The following CACNB2 variants were observed in gnomAD, a reference collection of about 807,000 sequenced individuals.
CACNB2 encodes calcium voltage-gated channel auxiliary subunit beta 2.
In CACNB2, 42 loss-of-function variants were observed where a neutral mutation model predicts 73.3. That is an observed-to-expected ratio of 0.57 (90% confidence interval 0.45 to 0.74). The LOEUF (loss-of-function observed/expected upper bound fraction) is 0.74, where lower values mean the gene tolerates loss of function less well. Among genes scored for constraint, CACNB2 ranks in the 30% least tolerant of loss-of-function variants. The pLI, the probability that CACNB2 is intolerant of heterozygous loss-of-function variation, is 0.00. For synonymous variants in CACNB2, 348 were observed against 310.3 expected, an observed-to-expected ratio of 1.12 and a Z score of -1.28; for missense variants, 940 against 853.0, an observed-to-expected ratio of 1.10 and a Z score of -1.27.
intron 2 of CACNB2, among the ~76,000 whole-genome samples, chr10:18,388,477 T>C (rs1043063518): frequency 6.6e-6 from 1 of 152,192 alleles, no homozygotes; most frequent in South Asian, 2.1e-4. Context: ...TAGGGTACTT[T>C]CCAGTGCTTT....
chr10:18,427,116 C>T (rs548290127), intron 3 of CACNB2, among the ~76,000 whole-genome samples: 53 of 151,862 alleles, frequency 3.5e-4, no homozygotes, highest in African/African-American at 1.1e-3. Flanking sequence ...CCACCACGCC[C>T]GGCTAATTTT....
chr10:18,214,574 C>T (rs139324095), intron 2 of CACNB2, among the ~76,000 whole-genome samples: 1,497 of 21,832 alleles, frequency 0.069, 332 homozygotes, highest in African/African-American at 0.1. Flanking sequence ...TTGCAGTGAG[C>T]CGAGATAGCA....
At chr10:18,488,492 A>G (rs953329710) in intron 3 of CACNB2, among the ~76,000 whole-genome samples, 14 of 149,894 alleles carry the variant, frequency 9.3e-5, no homozygotes, top group Admixed American at 6.0e-4. Flanking sequence ...AAAAAAAAAA[A>G]AAAAAAAGAA....
At position 18,539,570 on chromosome 10, in the gene CACNB2, G is replaced by C. The variant is rs781454884; in HGVS notation, c.1829G>C (p.Arg610Pro). 6.2e-7 allele frequency: 1 copy of C among 1,613,536 alleles called. No individual in the cohort carries two copies. The highest frequency in any genetic ancestry group is 1.7e-5 in the Admixed American group (1 of 59,932). ...HRHRESRHRSRDVDREQDHNE... is the reference protein window; with the variant it reads ...HRHRESRHRSPDVDREQDHNE... The stretch of plus-strand genomic sequence containing the variant: ...CACAGGGAGTCCCGGCACCGTTCCC[G>C]GGACGTGGATCGAGAGCAGGACCAC... The change falls in exon 14 of 14, where the codon CGG becomes CCG. Residue 610 changes from arginine (R) to proline (P), a missense_variant. By Grantham distance (103) the Arg-to-Pro change is moderately radical (BLOSUM62 -2). Transcript: ENST00000324631.
chr10:18,519,037 C>T (rs576686707), intron 9 of CACNB2, 69 bp downstream of exon 9: 9 of 1,337,320 alleles, frequency 6.7e-6, no homozygotes, highest in South Asian at 4.7e-5. Context: ...GTGGGACATG[C>T]GTGTGATTCC....
intron 3 of CACNB2, among the ~76,000 whole-genome samples, chr10:18,433,083 C>G (rs1208709828): frequency 1.3e-5 from 2 of 150,740 alleles, no homozygotes; most frequent in Non-Finnish European, 2.9e-5. Flanking sequence ...TTAGATAACA[C>G]TATTTATTCA....
intron 2 of CACNB2, chr10:18,400,722 T>C (rs1211414186): frequency 3.9e-6 from 5 of 1,269,088 alleles, no homozygotes; most frequent in Non-Finnish European, 5.0e-6. Flanking sequence ...TGTTTAGGGT[T>C]ATGAGATGCA....
At chr10:18,140,885 C>A in intron 1 of CACNB2, 29 bp downstream of exon 1, 5 of 1,574,856 alleles carry the variant, frequency 3.2e-6, no homozygotes, top group Non-Finnish European at 3.4e-6. Flanking sequence ...CTTCTCCTTC[C>A]TTTGTGAGCC....
At chr10:18,231,563 G>A (rs551887553) in intron 2 of CACNB2, among the ~76,000 whole-genome samples, 1 of 152,172 alleles carries the variant, frequency 6.6e-6, no homozygotes, top group Non-Finnish European at 1.5e-5. Flanking sequence ...TAGAGAATGT[G>A]GCTTATTGTT....
At chr10:18,190,304 G>A (rs547247381) in intron 2 of CACNB2, among the ~76,000 whole-genome samples, 1 of 152,218 alleles carries the variant, frequency 6.6e-6, no homozygotes. Context: ...GAACATGATG[G>A]CACAGGGGTC....
intron 3 of CACNB2, among the ~76,000 whole-genome samples, chr10:18,436,702 C>G (rs1243279841): frequency 2.0e-5 from 3 of 152,112 alleles, no homozygotes; most frequent in Admixed American, 6.5e-5. Context: ...GTTCCCATTC[C>G]ATGTAGATGC....
chr10:18,248,336 A>G (rs1429051870), intron 2 of CACNB2, among the ~76,000 whole-genome samples: 1 of 152,230 alleles, frequency 6.6e-6, no homozygotes, highest in African/African-American at 2.4e-5. Context: ...TGAGTGTCTG[A>G]TTCATAAGTA....
chr10:18,231,368 G>A (rs549727320), intron 2 of CACNB2, among the ~76,000 whole-genome samples: 88 of 152,178 alleles, frequency 5.8e-4, no homozygotes, highest in African/African-American at 1.9e-3. Flanking sequence ...TAGTAGAGAT[G>A]GGGTTTCGCC....
At chr10:18,430,733 G>A (rs2045850362) in intron 3 of CACNB2, among the ~76,000 whole-genome samples, 1 of 152,148 alleles carries the variant, frequency 6.6e-6, no homozygotes, top group African/African-American at 2.4e-5. Flanking sequence ...GTGTTGCTCT[G>A]ATACATTCCT....
intron 1 of CACNB2, among the ~76,000 whole-genome samples, chr10:18,146,831 C>T (rs963427453): frequency 2.0e-5 from 3 of 152,110 alleles, no homozygotes; most frequent in African/African-American, 7.2e-5. Context: ...CCATGTTGGC[C>T]AGGCTAGTGT....
chr10:18,314,197 A>G (rs1157993445), intron 2 of CACNB2, among the ~76,000 whole-genome samples: 1 of 152,256 alleles, frequency 6.6e-6, no homozygotes, highest in Non-Finnish European at 1.5e-5. Flanking sequence ...TTTCTAGAAA[A>G]AAGAGTTGTT....
chr10:18,432,918 A>G (rs1263753673), intron 3 of CACNB2, among the ~76,000 whole-genome samples: 1 of 152,216 alleles, frequency 6.6e-6, no homozygotes, highest in Non-Finnish European at 1.5e-5. Flanking sequence ...GCAATAGGAA[A>G]TATAGCCAAA....
chr10:18,495,582 T>TGTGTGTGTGTGTGTGTGTGTGTG lies in CACNB2; in HGVS notation c.334-2763_334-2762insGTGTGTGTGTGTGGTGTGTGTGT, dbSNP rs879828645. On this transcript the variant is annotated intron_variant, in intron 3 of 13. Transcript: ENST00000324631. ...GTGTGTGTGTGTGTGTGTGTGTGTG[T>TGTGTGTGTGTGTGTGTGTGTGTG]GTGTGTGTGTATAAGAGATGAGGTC... Among the ~76,000 whole-genome samples the TGTGTGTGTGTGTGTGTGTGTGTG allele has an allele frequency of 9.3e-4, 126 of 135,480 alleles. 1 individual carries two copies. The highest frequency in any genetic ancestry group is 3.4e-3 in the African/African-American group (122 of 36,038). The allele number at this position is 135,480 out of a possible 152,430, so 88.9% of individuals were successfully genotyped here. A position where few individuals can be genotyped will look rare whatever the true frequency, so the allele number is the denominator to read the frequency against.
chr10:18,535,505 G>A (rs1255895693), intron 11 of CACNB2, among the ~76,000 whole-genome samples: 1 of 152,124 alleles, frequency 6.6e-6, no homozygotes, highest in Non-Finnish European at 1.5e-5. Flanking sequence ...GGGCGCAGTG[G>A]CTCATACCTG....
Sources: allele counts gnomAD v4.1 joint callset (sites outside exome capture counted in the v4.1 genomes callset), GRCh38; gene constraint gnomAD v4.1.1; transcripts MANE v1.5; gene names NCBI Gene and HGNC (gene_info 2026-07-23, HGNC 2026-07-21).